The following IDO1 variants were observed in gnomAD, a reference collection of about 807,000 sequenced individuals.
IDO1 encodes the protein indolamine 2,3 dioxygenase.
IDO1 carries 35 observed loss-of-function variants against 38.8 expected under a neutral mutation model. The ratio of observed to expected loss-of-function variants is 0.90; its 90% CI spans 0.69 to 1.20. The LOEUF is 1.20. Ranked by LOEUF, IDO1 falls within the 50% of genes most tolerant of loss-of-function variation. IDO1 has a pLI of 0.00. For missense variants in IDO1, 509 were observed against 485.1 expected (o/e 1.05, Z -0.46); for synonymous variants, 171 against 170.0 (o/e 1.01, Z -0.05).
rs1446945645 is a variant in IDO1, at chr8:39,914,024, T to C, written c.87+15T>C. The C allele has an allele frequency of 3.9e-6, 6 of 1,533,722 alleles. No individual in the cohort carries two copies. The highest frequency in any genetic ancestry group is 1.4e-5 in the African/African-American group (1 of 73,026). ...CAAATCCACAGGTAAGAGAAGGCAG[T>C]AAAATGTGGGAAAATGCATTCTTCT... is the stretch of plus-strand genomic sequence containing the variant. On this transcript the variant is annotated intron_variant, in intron 1 of 9. Coordinates refer to ENST00000518237, the MANE Select transcript of IDO1 (RefSeq NM_002164.6).
chr8:39,928,289 A>G lies in IDO1; in HGVS notation c.*104A>G. On this transcript the variant is annotated 3_prime_UTR_variant, in exon 10 of 10. Coordinates refer to ENST00000518237, the MANE Select transcript of IDO1 (RefSeq NM_002164.6). ...ACAAACTAATACTATGCAATGTTTT[A>G]CCAATAATGCAATACAAAAGACCTC... 1.3e-6 allele frequency: 1 copy of G among 777,128 alleles called. No individual in the cohort carries two copies. Among genetic ancestry groups the G allele is most frequent in the South Asian group, 2.1e-5 (1 of 47,638 alleles). The allele number at this position is 777,128 out of a possible 1,614,324, so 48.1% of individuals were successfully genotyped here. A position where few individuals can be genotyped will look rare whatever the true frequency, so the allele number is the denominator to read the frequency against.
Position 39,923,508 on chromosome 8 carries a change from CG to C in IDO1, c.580del (p.Asp194ThrfsTer4), listed in dbSNP as rs763466410. ...TVFKAMQMQERDTLLKALLEI... is the reference protein window; with the variant it reads ...TVFKAMQMQEXDTLLKALLEI... ...ATTCAAGGCAATGCAAATGCAAGAA[CG>C]GGACACTTTGCTAAAGGCGCTGTTG... On this transcript the variant is annotated frameshift_variant, in exon 7 of 10. Coordinates refer to ENST00000518237, the MANE Select transcript of IDO1 (RefSeq NM_002164.6). LOFTEE classifies it high-confidence loss of function. The C allele has an allele frequency of 6.2e-7, 1 of 1,612,246 alleles. No homozygotes were observed. The highest frequency in any genetic ancestry group is 1.7e-5 in the Admixed American group (1 of 59,956).
rs761799363 is a variant in IDO1 at position 39,927,836 on chromosome 8, C to A, written c.863C>A (p.Ala288Asp). The change falls in exon 10 of 10, where the codon GCT becomes GAT. Residue 288 changes from alanine (A) to aspartate (D), a missense_variant. Coordinates refer to ENST00000518237, the MANE Select transcript of IDO1 (RefSeq NM_002164.6). Reference sequence around the variant, plus strand: ...CTTTCTCTTTTTCCTATAGGACATGCTGCTCAGTTCCTCCAGGACATGAGA... The same window carrying A: ...CTTTCTCTTTTTCCTATAGGACATGATGCTCAGTTCCTCCAGGACATGAGA... ...GIQQTAGGGH[A>D]AQFLQDMRRY... is the part of the protein sequence containing the mutation. 1.2e-5 allele frequency: 19 copies of A among 1,524,750 alleles called. No individual in the cohort carries two copies. Among genetic ancestry groups the A allele is most frequent in the Admixed American group, 2.1e-5 (1 of 46,700 alleles). The allele number at this position is 1,524,750 out of a possible 1,614,324, so 94.5% of individuals were successfully genotyped here.
chr8:39,918,767 A>AC (rs1563415095), intron 3 of IDO1, 48 bp from the exon 4 acceptor site: 157 of 580,148 alleles, frequency 2.7e-4, no homozygotes, highest in Non-Finnish European at 3.6e-4. Flanking sequence ...AAAAAAAAAA[A>AC]AACAACAACA....
Position 39,918,827 on chromosome 8 carries a change from AATATTGCTGTTCCTTACTGCCAACTCTC to A in IDO1, c.317_344del (p.Asn106ThrfsTer29), listed in dbSNP as rs769988904. The stretch of plus-strand genomic sequence containing the variant: ...GTATTTTAATCAGGTCTTGCCAAGA[AATATTGCTGTTCCTTACTGCCAACTCTC>A]CAAGAAACTGGAACTGCCTCCTATT... On this transcript the variant is annotated frameshift_variant, in exon 4 of 10. Transcript: ENST00000518237. LOFTEE classifies it high-confidence loss of function. 6.2e-7 allele frequency: 1 copy of A among 1,605,078 alleles called. No homozygotes were observed. Among genetic ancestry groups the A allele is most frequent in the East Asian group, 2.2e-5 (1 of 44,834 alleles).
At chr8:39,921,175 A>C (rs1450439787) in intron 5 of IDO1, among the ~76,000 whole-genome samples, 1 of 152,268 alleles carries the variant, frequency 6.6e-6, no homozygotes, top group East Asian at 1.9e-4. Flanking sequence ...TAAAAATAAC[A>C]GTGTGAGAAA....
At chr8:39,918,504 G>C (rs1231460773) in intron 3 of IDO1, 1 of 458,802 alleles carries the variant, frequency 2.2e-6, no homozygotes, top group Non-Finnish European at 3.9e-6. Context: ...CCAGCACTTT[G>C]AGAGGCCAAG....
chr8:39,924,488 G>A (rs1250373655), intron 7 of IDO1, among the ~76,000 whole-genome samples: 3 of 151,900 alleles, frequency 2.0e-5, no homozygotes, highest in Non-Finnish European at 2.9e-5. Flanking sequence ...TACTTGTTAC[G>A]TCAGTAAGCA....
intron 9 of IDO1, among the ~76,000 whole-genome samples, chr8:39,927,544 A>C (rs1000899061): frequency 2.7e-5 from 4 of 149,526 alleles, no homozygotes; most frequent in Non-Finnish European, 5.9e-5. Context: ...TGGCCGACAG[A>C]GCGAGACTCT....
At chr8:39,927,463 G>A (rs956643112) in intron 9 of IDO1, among the ~76,000 whole-genome samples, 2 of 151,816 alleles carry the variant, frequency 1.3e-5, no homozygotes, top group African/African-American at 4.8e-5. Flanking sequence ...CGGAGGCTGA[G>A]GCAGGAGAAT....
At position 39,917,569 on chromosome 8, in the gene IDO1, G is replaced by C. The variant is rs144671950; in HGVS notation, c.88-306G>C. Among the ~76,000 whole-genome samples the C allele has an allele frequency of 3.7e-3, 571 of 152,358 alleles. 3 individuals carry two copies. The highest frequency in any genetic ancestry group is 0.021 in the Middle Eastern group (6 of 292). ...ACAATTTGAAAAGGCATAATCCATAGAATTTATAGTGGAGGAGATTGGTTT... is the reference window on the plus strand; with the variant it reads ...ACAATTTGAAAAGGCATAATCCATACAATTTATAGTGGAGGAGATTGGTTT... On this transcript the variant is annotated intron_variant, in intron 1 of 9. Coordinates refer to ENST00000518237, the MANE Select transcript of IDO1 (RefSeq NM_002164.6).
chr8:39,916,547 C>T (rs186006993), intron 1 of IDO1, among the ~76,000 whole-genome samples: 34 of 152,162 alleles, frequency 2.2e-4, no homozygotes, highest in African/African-American at 7.9e-4. Context: ...GTCCCGGAAA[C>T]ATGAAAAAAA....
chr8:39,919,479 G>A (rs754276171), intron 4 of IDO1, among the ~76,000 whole-genome samples: 4 of 152,064 alleles, frequency 2.6e-5, no homozygotes, highest in Non-Finnish European at 2.9e-5. Context: ...AGGCAGCAAT[G>A]ACTGGTTTCT....
At chr8:39,914,564 C>T (rs1274224528) in intron 1 of IDO1, among the ~76,000 whole-genome samples, 1 of 152,144 alleles carries the variant, frequency 6.6e-6, no homozygotes, top group African/African-American at 2.4e-5. Context: ...GTTTGCAAGT[C>T]TTACCTATAA....
At chr8:39,917,556 G>A (rs1400467793) in intron 1 of IDO1, among the ~76,000 whole-genome samples, 1 of 152,206 alleles carries the variant, frequency 6.6e-6, no homozygotes, top group African/African-American at 2.4e-5. Flanking sequence ...AATTTGAAAA[G>A]GCATAATCCA....
chr8:39,925,066 T>G (rs1198740073), intron 8 of IDO1, among the ~76,000 whole-genome samples, 157 bp from the exon 9 acceptor site: 1 of 152,188 alleles, frequency 6.6e-6, no homozygotes, highest in African/African-American at 2.4e-5. Context: ...ACTATTCTCA[T>G]GCTTGAAAAT....
Position 39,922,581 on chromosome 8 carries a change from A to G in IDO1, c.467A>G (p.Asp156Gly), listed in dbSNP as rs1374556271. The change falls in exon 6 of 10, where the codon GAT (aspartate) becomes GGT (glycine). Residue 156 changes from aspartate (D) to glycine (G), a missense_variant. Transcript: ENST00000518237. ...ATGGACGTTTTGTTCTCATTTCGTGATGGAGACTGCAGTAAAGGATTCTTC... is the reference window on the plus strand; with the variant it reads ...ATGGACGTTTTGTTCTCATTTCGTGGTGGAGACTGCAGTAAAGGATTCTTC... The part of the protein sequence containing the change: ...ENMDVLFSFR[D>G]GDCSKGFFLV... 1.2e-6 allele frequency: 2 copies of G among 1,613,464 alleles called. No individual in the cohort carries two copies. Among genetic ancestry groups the G allele is most frequent in the Non-Finnish European group, 8.5e-7 (1 of 1,179,462 alleles).
At chr8:39,920,033 T>G in intron 4 of IDO1, 67 bp from the exon 5 acceptor site, 1 of 1,344,944 alleles carries the variant, frequency 7.4e-7, no homozygotes, top group Non-Finnish European at 1.1e-6. Flanking sequence ...CTCATCATTA[T>G]TTGATGTTAA....
chr8:39,918,856 C>T lies in IDO1; in HGVS notation c.345C>T (p.Ser115=). The stretch of plus-strand genomic sequence containing the variant: ...TTGCTGTTCCTTACTGCCAACTCTC[C>T]AAGAAACTGGAACTGCCTCCTATTT... ...RNIAVPYCQL[S]KKLELPPILV... Residue 115 remains serine, a synonymous_variant, in exon 4 of 10, where the codon TCC becomes TCT. Transcript: ENST00000518237. 2 of 1,612,976 alleles carry T rather than the reference C, an allele frequency of 1.2e-6. No individual in the cohort carries two copies. The highest frequency in any genetic ancestry group is 1.7e-6 in the Non-Finnish European group (2 of 1,179,344).
Sources: gnomAD v4.1 joint callset for allele counts (sites outside exome capture counted in the v4.1 genomes callset) on GRCh38, gnomAD v4.1.1 for gene constraint, MANE v1.5 for transcripts, NCBI Gene and HGNC (gene_info 2026-07-23, HGNC 2026-07-21) for gene names.